Variants in FAM184B observed in about 807,000 individuals in gnomAD.
FAM184B encodes the protein family with sequence similarity 184 member B.
FAM184B carries 111 observed loss-of-function variants against 135.9 expected under a neutral mutation model. The observed-to-expected ratio is 0.82, with a 90% CI of 0.70 to 0.96. The LOEUF (loss-of-function observed/expected upper bound fraction) is 0.96. Among genes scored for constraint, FAM184B ranks in the 40% least tolerant of loss-of-function variants. The pLI, the probability that FAM184B is intolerant of heterozygous loss-of-function variation, is 0.00. For synonymous variants in FAM184B, 552 were observed against 524.8 expected (o/e 1.05, Z -0.71); for missense variants, 1,375 against 1,323.9 (o/e 1.04, Z -0.60).
rs796253520 is a variant in FAM184B at position 17,781,033 on chromosome 4, G to T, written c.141+126C>A. 117 of 1,222,020 alleles carry T rather than the reference G, an allele frequency of 9.6e-5. No homozygotes were observed. The African/African-American group carries it at 1.5e-3, about 16-fold the overall frequency. The allele number at this position is 1,222,020 out of a possible 1,614,324, so 75.7% of individuals were successfully genotyped here. The stretch of plus-strand genomic sequence containing the variant: ...CAGATTTAGGACCGCTTCCCTTCCC[G>T]GTTGGCCTCCGAGACAAAGTTTCTG... On this transcript the variant is annotated intron_variant, in intron 1 of 17. Coordinates refer to ENST00000265018, the MANE Select transcript of FAM184B (RefSeq NM_015688.2). The surrounding 1 kb of genome is among the most constrained non-coding windows in gnomAD (Gnocchi z 6.5).
At chr4:17,676,480 A>G (rs944976198) in intron 7 of FAM184B, among the ~76,000 whole-genome samples, 11 of 152,236 alleles carry the variant, frequency 7.2e-5, no homozygotes, top group Non-Finnish European at 5.9e-5. Flanking sequence ...CACGAAGTGT[A>G]TTTTTTAATT....
At chr4:17,739,590 G>A (rs1324675778) in intron 1 of FAM184B, among the ~76,000 whole-genome samples, 1 of 78,360 alleles carries the variant, frequency 1.3e-5, no homozygotes, top group African/African-American at 5.5e-5. Flanking sequence ...GTTTCACTGT[G>A]TCTCCCAGGC....
At chr4:17,743,593 C>T (rs1718093930) in intron 1 of FAM184B, among the ~76,000 whole-genome samples, 1 of 152,200 alleles carries the variant, frequency 6.6e-6, no homozygotes, top group African/African-American at 2.4e-5. Context: ...TCGTCTTGTG[C>T]TCCCTCTGTC....
rs148883385 is a variant in FAM184B, at chr4:17,709,776, A to T, written c.142-132T>A. Reference sequence around the variant, plus strand: ...GCACCTGAGAAGAGGATTTGCGTGCAGGGGATTTATTAGAAACTGTTCCCA... The same window carrying T: ...GCACCTGAGAAGAGGATTTGCGTGCTGGGGATTTATTAGAAACTGTTCCCA... On this transcript the variant is annotated intron_variant, in intron 1 of 17. Transcript: ENST00000265018. 4.5e-4 allele frequency: 372 copies of T among 823,010 alleles called. 1 individual carries two copies. In the African/African-American group the frequency reaches 5.0e-3, roughly 11 times the overall value. 51.0% of individuals were successfully genotyped at this position (823,010 alleles called of 1,614,324 possible).
At chr4:17,770,105 G>A (rs1303575113) in intron 1 of FAM184B, among the ~76,000 whole-genome samples, 1 of 152,324 alleles carries the variant, frequency 6.6e-6, no homozygotes, top group African/African-American at 2.4e-5. Flanking sequence ...AGGCGGACAG[G>A]AGCTACCTCA....
chr4:17,638,610 A>G (rs1485465530), intron 14 of FAM184B, among the ~76,000 whole-genome samples: 5 of 152,190 alleles, frequency 3.3e-5, no homozygotes, highest in Non-Finnish European at 7.3e-5. Context: ...AGTGCTGGGC[A>G]TACAATGGGT....
intron 1 of FAM184B, among the ~76,000 whole-genome samples, chr4:17,710,826 G>A (rs1369106968): frequency 2.0e-5 from 3 of 152,218 alleles, no homozygotes. Flanking sequence ...AGGTAGAACA[G>A]GTAAGCAGAA....
intron 7 of FAM184B, among the ~76,000 whole-genome samples, chr4:17,671,640 C>G (rs1716170467): frequency 6.6e-6 from 1 of 151,790 alleles, no homozygotes; most frequent in African/African-American, 2.4e-5. Context: ...ATGTTCCAAA[C>G]AAAAGAACAA....
At chr4:17,714,711 A>C (rs1377034158) in intron 1 of FAM184B, among the ~76,000 whole-genome samples, 1 of 152,202 alleles carries the variant, frequency 6.6e-6, no homozygotes, top group Admixed American at 6.5e-5. Flanking sequence ...GGAAACGTGC[A>C]TGGGATGAAA....
chr4:17,764,115 C>G (rs143203969), intron 1 of FAM184B, among the ~76,000 whole-genome samples: 2 of 152,144 alleles, frequency 1.3e-5, no homozygotes, highest in African/African-American at 2.4e-5. Context: ...CATGGGTAAA[C>G]TAAACAGGCT....
intron 7 of FAM184B, among the ~76,000 whole-genome samples, chr4:17,680,183 C>A (rs1716402864): frequency 6.6e-6 from 1 of 152,076 alleles, no homozygotes; most frequent in African/African-American, 2.4e-5. Context: ...TGAGCCATTC[C>A]ACAATGTATA....
At chr4:17,743,135 G>A (rs1718081527) in intron 1 of FAM184B, among the ~76,000 whole-genome samples, 1 of 152,234 alleles carries the variant, frequency 6.6e-6, no homozygotes, top group Non-Finnish European at 1.5e-5. Flanking sequence ...TGCCCACAAA[G>A]GAGGTCAAGA....
intron 6 of FAM184B, among the ~76,000 whole-genome samples, chr4:17,690,822 A>G (rs902188264): frequency 6.6e-6 from 1 of 152,116 alleles, no homozygotes; most frequent in Non-Finnish European, 1.5e-5. Flanking sequence ...AGAAAGGCTT[A>G]AGGCGTAGGA....
intron 7 of FAM184B, among the ~76,000 whole-genome samples, chr4:17,688,024 G>T (rs1335350157): frequency 1.3e-5 from 2 of 152,136 alleles, no homozygotes; most frequent in East Asian, 3.9e-4. Context: ...GGGCTGTTGT[G>T]AGAGTAAATG....
intron 13 of FAM184B, among the ~76,000 whole-genome samples, chr4:17,640,693 TACAA>T (rs1257873327): frequency 2.0e-5 from 3 of 152,192 alleles, no homozygotes; most frequent in African/African-American, 7.2e-5. Flanking sequence ...CTTTGAAAGA[TACAA>T]ACTGCTAAAG....
At chr4:17,653,032 G>A (rs1211902979) in intron 10 of FAM184B, 49 bp from the exon 11 acceptor site, 7 of 1,530,472 alleles carry the variant, frequency 4.6e-6, no homozygotes, top group Middle Eastern at 3.4e-4. Flanking sequence ...GCATGAGGGT[G>A]GGAGACCTGA....
intron 15 of FAM184B, among the ~76,000 whole-genome samples, chr4:17,635,370 G>C (rs1001129926): frequency 6.6e-6 from 1 of 152,146 alleles, no homozygotes; most frequent in African/African-American, 2.4e-5. Context: ...CTTAGCATGT[G>C]AAGGTAACCT....
At position 17,709,402 on chromosome 4, in the gene FAM184B, C is replaced by G; in HGVS notation, c.384G>C (p.Glu128Asp). Residue 128 changes from glutamate (E) to aspartate (D), a missense_variant, in exon 2 of 18, where the codon GAG becomes GAC. By Grantham distance (45) the Glu-to-Asp change is conservative. Coordinates refer to ENST00000265018, the MANE Select transcript of FAM184B (RefSeq NM_015688.2). ...ALAESASCRL[E>D]TKERELRVEA... is the part of the protein sequence containing the mutation. Reference sequence around the variant, plus strand: ...CCACCCTCAGCTCTCTCTCCTTCGTCTCCAGCCTGCACGAGGCCGACTCAG... The same window carrying G: ...CCACCCTCAGCTCTCTCTCCTTCGTGTCCAGCCTGCACGAGGCCGACTCAG... The G allele has an allele frequency of 6.6e-7, 1 of 1,521,016 alleles. No homozygotes were observed. Among genetic ancestry groups the G allele is most frequent in the Non-Finnish European group, 8.9e-7 (1 of 1,129,388 alleles). 94.2% of individuals were successfully genotyped at this position (1,521,016 alleles called of 1,614,324 possible).
chr4:17,680,500 T>C (rs1404738010), intron 7 of FAM184B, among the ~76,000 whole-genome samples: 1 of 152,118 alleles, frequency 6.6e-6, no homozygotes, highest in Admixed American at 6.6e-5. Flanking sequence ...AACAAAAACA[T>C]TGTCCATGTC....
Sources: gnomAD v4.1 joint callset for allele counts (sites outside exome capture counted in the v4.1 genomes callset) on GRCh38, gnomAD v4.1.1 for gene constraint, Gnocchi (gnomAD v3.1) non-coding constraint, MANE v1.5 for transcripts, NCBI Gene and HGNC (gene_info 2026-07-23, HGNC 2026-07-21) for gene names.